Variants in RBFOX1 observed in about 807,000 individuals in gnomAD.
RBFOX1 encodes RNA binding protein fox-1 homolog 1.
In RBFOX1, 8 loss-of-function variants were observed where a neutral mutation model predicts 57.7. The ratio of observed to expected loss-of-function variants is 0.14; its 90% confidence interval spans 0.08 to 0.25. The LOEUF (loss-of-function observed/expected upper bound fraction) is 0.25, where lower values mean the gene tolerates loss of function less well. RBFOX1 is among the 10% of genes least tolerant of loss of function. The pLI, the probability that RBFOX1 is intolerant of heterozygous loss-of-function variation, is 1.00. For missense variants in RBFOX1, 611 were observed against 548.5 expected, an observed-to-expected ratio of 1.11 and a Z score of -1.14; for synonymous variants, 326 against 222.4, an observed-to-expected ratio of 1.47 and a Z score of -4.15.
intron 3 of RBFOX1, among the ~76,000 whole-genome samples, chr16:6,796,348 C>T (rs1208185944): frequency 6.6e-6 from 1 of 152,110 alleles, no homozygotes; most frequent in Non-Finnish European, 1.5e-5. Flanking sequence ...AGTGGGTACA[C>T]AGCCAAACCA....
At chr16:6,011,963 A>C (rs1359633551) in intron 4 of RBFOX1, among the ~76,000 whole-genome samples, 1 of 152,202 alleles carries the variant, frequency 6.6e-6, no homozygotes, top group Non-Finnish European at 1.5e-5. Flanking sequence ...CATCGCCCAC[A>C]CCATCTTGCA....
rs77963855 is a variant in RBFOX1, at chr16:5,326,128, G to A, written c.219+86023G>A. On this transcript the variant is annotated intron_variant, in intron 1 of 2. Transcript: ENST00000585867. ...CACATCCTTGTCAGCACTTGGTATC[G>A]TCAGCATTTTTAATTTAGCCATTCT... is the stretch of plus-strand genomic sequence containing the variant. 6.2e-3 allele frequency among the ~76,000 whole-genome samples: 938 copies of A among 152,276 alleles called. 10 individuals carry two copies. Among genetic ancestry groups the A allele is most frequent in the African/African-American group, 0.021 (873 of 41,560 alleles).
chr16:6,961,145 C>CACACACACACACACACACACT (rs142889433), intron 3 of RBFOX1, among the ~76,000 whole-genome samples: 1 of 143,658 alleles, frequency 7.0e-6, no homozygotes, highest in Non-Finnish European at 1.5e-5. Flanking sequence ...TCACACACAC[C>CACACACACACACACACACACT]CACACAGACA....
At chr16:6,660,077 T>C (rs556558811) in intron 3 of RBFOX1, among the ~76,000 whole-genome samples, 11 of 151,856 alleles carry the variant, frequency 7.2e-5, no homozygotes, top group African/African-American at 2.4e-4. Flanking sequence ...ATACAAAAAT[T>C]TCCTGGGTGT....
intron 2 of RBFOX1, among the ~76,000 whole-genome samples, chr16:6,525,846 C>G (rs1199417347): frequency 6.6e-6 from 1 of 152,014 alleles, no homozygotes; most frequent in Admixed American, 6.6e-5. Flanking sequence ...CAATTCACAA[C>G]TAAGTTTGAA....
At chr16:5,938,032 C>G (rs1222422475) in intron 4 of RBFOX1, among the ~76,000 whole-genome samples, 4 of 152,102 alleles carry the variant, frequency 2.6e-5, no homozygotes, top group Admixed American at 2.6e-4. Context: ...TTTAATCCAT[C>G]AGGATAATTT....
At chr16:5,820,417 G>T (rs1300490779) in intron 3 of RBFOX1, among the ~76,000 whole-genome samples, 1 of 152,128 alleles carries the variant, frequency 6.6e-6, no homozygotes, top group Non-Finnish European at 1.5e-5. Context: ...GGACCATCCC[G>T]GTGACCCCGG....
At chr16:5,665,826 G>A (rs75706686) in intron 3 of RBFOX1, among the ~76,000 whole-genome samples, 1 of 152,224 alleles carries the variant, frequency 6.6e-6, no homozygotes, top group South Asian at 2.1e-4. Flanking sequence ...GCTGCTGAGT[G>A]GGAGCAGAGC....
At chr16:7,676,913 G>T in intron 14 of RBFOX1, 75 bp downstream of exon 14, 1 of 1,436,924 alleles carries the variant, frequency 7.0e-7, no homozygotes, top group Non-Finnish European at 9.8e-7. Context: ...ATTCTTGTAT[G>T]GTCTTGGTGA....
chr16:5,604,595 A>G (rs1224990321), downstream of RBFOX1, among the ~76,000 whole-genome samples: 1 of 152,142 alleles, frequency 6.6e-6, no homozygotes, highest in Non-Finnish European at 1.5e-5. Context: ...TAATCATGGC[A>G]TGCCCATCAT....
intron 3 of RBFOX1, among the ~76,000 whole-genome samples, chr16:5,854,056 T>C (rs551728063): frequency 1.3e-5 from 2 of 152,346 alleles, no homozygotes; most frequent in African/African-American, 4.8e-5. Flanking sequence ...GAGGCAGACT[T>C]GACAAAGAAG....
intron 2 of RBFOX1, among the ~76,000 whole-genome samples, chr16:6,564,069 C>T (rs922081435): frequency 6.6e-6 from 1 of 152,070 alleles, no homozygotes; most frequent in South Asian, 2.1e-4. Context: ...CTCCACCAAC[C>T]TTAACCTCAC....
intron 4 of RBFOX1, among the ~76,000 whole-genome samples, chr16:5,906,784 G>T (rs143689290): frequency 0.011 from 1,449 of 136,930 alleles, 13 homozygotes; most frequent in Non-Finnish European, 0.017. Context: ...TTCCAGGCTG[G>T]AGTGCAGTGA....
Position 5,405,657 on chromosome 16 carries a change from T to G in RBFOX1, c.220-61559T>G, listed in dbSNP as rs1307524613. Among the ~76,000 whole-genome samples the G allele has an allele frequency of 2.0e-5, 3 of 152,170 alleles. No homozygotes were observed. The East Asian group carries it at 5.8e-4, about 29-fold the overall frequency. The stretch of plus-strand genomic sequence containing the variant: ...TGAATAAATCAGTGCTCATAGAGTC[T>G]GAGTTGGGTTCATATTTTGGGTGGC... On this transcript the variant is annotated intron_variant, in intron 1 of 2. Coordinates refer to the RBFOX1 transcript ENST00000585867.
chr16:5,514,206 C>T (rs2043706687), intron 2 of RBFOX1, among the ~76,000 whole-genome samples: 1 of 152,116 alleles, frequency 6.6e-6, no homozygotes, highest in Non-Finnish European at 1.5e-5. Flanking sequence ...CTTGACTAGC[C>T]CTCTCGTATG....
At chr16:7,540,092 G>C (rs2152456887) in intron 5 of RBFOX1, among the ~76,000 whole-genome samples, 1 of 152,288 alleles carries the variant, frequency 6.6e-6, no homozygotes, top group South Asian at 2.1e-4. Context: ...TTTGCAGAAA[G>C]ACATGTGCCT....
intron 3 of RBFOX1, among the ~76,000 whole-genome samples, chr16:5,794,110 G>A (rs1019314989): frequency 3.3e-5 from 5 of 152,168 alleles, no homozygotes; most frequent in Admixed American, 2.6e-4. Context: ...CATCTGTGGT[G>A]TTGGGCATAT....
At chr16:5,321,158 T>C (rs1297083055) in intron 1 of RBFOX1, among the ~76,000 whole-genome samples, 1 of 152,164 alleles carries the variant, frequency 6.6e-6, no homozygotes, top group Non-Finnish European at 1.5e-5. Flanking sequence ...CTGGGCATTG[T>C]GGGATGCTGA....
At chr16:6,776,107 G>A (rs570104720) in intron 3 of RBFOX1, 1 of 152,450 alleles carries the variant, frequency 6.6e-6, no homozygotes, top group South Asian at 2.1e-4. Flanking sequence ...GAAGAAAAAA[G>A]AAGTACAAGA....
Sources: gnomAD v4.1 joint callset for allele counts (sites outside exome capture counted in the v4.1 genomes callset) on GRCh38, gnomAD v4.1.1 for gene constraint, MANE v1.5 for transcripts, NCBI Gene and HGNC (gene_info 2026-07-23, HGNC 2026-07-21) for gene names.